Variants in C7 observed in about 807,000 individuals in gnomAD.
C7 encodes complement C7.
In C7, 83 loss-of-function variants were observed where a neutral mutation model predicts 104.8. That is an observed-to-expected ratio of 0.79 (90% CI 0.66 to 0.95). C7 has a LOEUF of 0.95. C7 is among the 40% of genes least tolerant of loss of function. The pLI, the probability that C7 is intolerant of heterozygous loss-of-function variation, is 0.00. For missense variants in C7, 1,070 were observed against 1,011.2 expected, an observed-to-expected ratio of 1.06 and a Z score of -0.79; for synonymous variants, 415 against 360.6, an observed-to-expected ratio of 1.15 and a Z score of -1.71.
chr5:40,937,425 A>C (rs1739838646), intron 5 of C7, 127 bp from the exon 6 acceptor site: 4 of 822,992 alleles, frequency 4.9e-6, no homozygotes, highest in Middle Eastern at 4.7e-4. Flanking sequence ...CTCTCAAAGA[A>C]GTGTTTAAGT....
intron 9 of C7, among the ~76,000 whole-genome samples, 160 bp downstream of exon 9, chr5:40,950,174 T>C (rs1339647043): frequency 2.0e-5 from 3 of 152,132 alleles, no homozygotes; most frequent in Non-Finnish European, 2.9e-5. Context: ...TACCCACTAG[T>C]TATTTTTTCC....
rs766307446 is a variant in C7, at chr5:40,979,910, G to T, written c.2350+1G>T. Reference sequence around the variant, plus strand: ...TGCCCACTGTGGGGAAAATGTGATGGTAAGGGGCCTTTCATATTTGTAAGT... The same window carrying T: ...TGCCCACTGTGGGGAAAATGTGATGTTAAGGGGCCTTTCATATTTGTAAGT... On this transcript the variant is annotated splice_donor_variant, in intron 17 of 17. Coordinates refer to ENST00000313164, the MANE Select transcript of C7 (RefSeq NM_000587.4). LOFTEE classifies it high-confidence loss of function. The T allele has an allele frequency of 1.3e-6, 2 of 1,570,318 alleles. No individual in the cohort carries two copies. Among genetic ancestry groups the T allele is most frequent in the Non-Finnish European group, 1.7e-6 (2 of 1,155,946 alleles).
intron 14 of C7, among the ~76,000 whole-genome samples, chr5:40,969,143 A>G (rs1004366859): frequency 1.6e-4 from 24 of 152,202 alleles, no homozygotes; most frequent in African/African-American, 5.5e-4. Context: ...ACATTATTAT[A>G]TTTAAAAATA....
At chr5:40,950,147 C>A in intron 9 of C7, 133 bp downstream of exon 9, 1 of 612,020 alleles carries the variant, frequency 1.6e-6, no homozygotes, top group Non-Finnish European at 2.9e-6. Flanking sequence ...ATTTTGTCAC[C>A]CAAGTATTAA....
Position 40,972,454 on chromosome 5 carries a change from A to T in C7, c.1934A>T (p.Gln645Leu). 6.2e-7 allele frequency: 1 copy of T among 1,613,812 alleles called. No homozygotes were observed. The change falls in exon 15 of 18, where the codon CAA (glutamine) becomes CTA (leucine). Residue 645 changes from glutamine to leucine, a missense_variant. Gln to Leu is a moderately radical substitution (Grantham distance 113). Transcript: ENST00000313164. The stretch of plus-strand genomic sequence containing the variant: ...ATGGATGGCATACAGAGTCACCCCC[A>T]AAAACCTTTCTACACAGTTGGTGAG... Reference protein sequence around the residue: ...VLMDGIQSHPQKPFYTVGEKV... With the variant: ...VLMDGIQSHPLKPFYTVGEKV...
In C7 at chr5:40,955,828, G is replaced by A. The variant is rs1477200919; in HGVS notation, c.1260+275G>A. ...CATTTTTAACTTTTGATCTAAGTTC[G>A]ATTATGTCTTCCTTGGTCCCTAATT... On this transcript the variant is annotated intron_variant, in intron 10 of 17. Transcript: ENST00000313164. Among the ~76,000 whole-genome samples the A allele has an allele frequency of 2.0e-5, 3 of 152,160 alleles. No individual in the cohort carries two copies. In the East Asian group the frequency reaches 5.8e-4, roughly 29 times the overall value.
In C7 at chr5:40,983,526, C is replaced by T. The variant is rs191887345; in HGVS notation, c.*1953C>T. Among the ~76,000 whole-genome samples the T allele has an allele frequency of 3.9e-4, 60 of 152,158 alleles. 1 individual carries two copies. Among genetic ancestry groups the T allele is most frequent in the Admixed American group, 3.5e-3 (54 of 15,282 alleles). On this transcript the variant is annotated 3_prime_UTR_variant, in exon 18 of 18. Coordinates refer to ENST00000313164, the MANE Select transcript of C7 (RefSeq NM_000587.4). ...GAAGGAGAGGAGCAGTGAATGTTGT[C>T]GTGAAGAGGTGTTGTCTTGAAATAC... is the stretch of plus-strand genomic sequence containing the variant.
intron 11 of C7, among the ~76,000 whole-genome samples, chr5:40,958,572 T>C: frequency 6.6e-6 from 1 of 152,200 alleles, no homozygotes; most frequent in East Asian, 1.9e-4. Context: ...GTAGCAAAGG[T>C]CTGTGGAGCT....
chr5:40,943,164 G>A (rs1030800566), intron 6 of C7, among the ~76,000 whole-genome samples: 1 of 152,222 alleles, frequency 6.6e-6, no homozygotes, highest in African/African-American at 2.4e-5. Flanking sequence ...TTGAAGTCAT[G>A]AGCCAAGAAG....
chr5:40,974,820 T>C (rs1465714980), intron 15 of C7, among the ~76,000 whole-genome samples: 1 of 152,210 alleles, frequency 6.6e-6, no homozygotes, highest in Non-Finnish European at 1.5e-5. Flanking sequence ...CATGGCTTGA[T>C]CATTGACCTT....
At chr5:40,927,030 A>T (rs1739567890) in intron 1 of C7, among the ~76,000 whole-genome samples, 1 of 152,152 alleles carries the variant, frequency 6.6e-6, no homozygotes, top group South Asian at 2.1e-4. Context: ...AAACATCATG[A>T]TCCTGGCAAA....
intron 16 of C7, among the ~76,000 whole-genome samples, chr5:40,979,454 G>A (rs993761284): frequency 6.6e-6 from 1 of 151,730 alleles, no homozygotes; most frequent in African/African-American, 2.4e-5. Context: ...TGCTGTACCT[G>A]GTCTGTTCTA....
At chr5:40,920,787 G>A (rs1739422454) in intron 1 of C7, among the ~76,000 whole-genome samples, 1 of 152,158 alleles carries the variant, frequency 6.6e-6, no homozygotes, top group Admixed American at 6.5e-5. Flanking sequence ...GGTGGCTCAT[G>A]CCCATAATCC....
In C7 at chr5:40,955,553, G is replaced by A. The variant is rs764427482; in HGVS notation, c.1260G>A (p.Lys420=). The change falls in exon 10 of 18, where the codon AAG becomes AAA. Residue 420 remains lysine, a splice_region_variant and synonymous_variant. Transcript: ENST00000313164. ...ATCTTCCTCAAGTCATAAAACAAAAGGTATGTCAGGCTTTGTTTAAAGCAA... is the reference window on the plus strand; with the variant it reads ...ATCTTCCTCAAGTCATAAAACAAAAAGTATGTCAGGCTTTGTTTAAAGCAA... ...VTNLPQVIKQ[K]LTPLYELVKE... 1.2e-6 allele frequency: 2 copies of A among 1,609,440 alleles called. No homozygotes were observed. Among genetic ancestry groups the A allele is most frequent in the Non-Finnish European group, 1.7e-6 (2 of 1,177,936 alleles).
chr5:40,944,481 T>C lies in C7; in HGVS notation c.568-717T>C, dbSNP rs573426587. On this transcript the variant is annotated intron_variant, in intron 6 of 17. Coordinates refer to ENST00000313164, the MANE Select transcript of C7 (RefSeq NM_000587.4). ...GTACGTGTTCACTTTTTCATCACCA[T>C]GCTGTCCACTGGAGGTTTCCAACAT... 2.0e-5 allele frequency among the ~76,000 whole-genome samples: 3 copies of C among 152,358 alleles called. No homozygotes were observed. In the East Asian group the frequency reaches 5.8e-4, roughly 29 times the overall value.
At chr5:40,973,158 G>A (rs905798498) in intron 15 of C7, among the ~76,000 whole-genome samples, 4 of 152,092 alleles carry the variant, frequency 2.6e-5, no homozygotes, top group African/African-American at 9.7e-5. Flanking sequence ...TTAACACCAA[G>A]AAAATTAAAA....
intron 1 of C7, among the ~76,000 whole-genome samples, chr5:40,916,353 A>G (rs1322144918): frequency 6.6e-6 from 1 of 152,194 alleles, no homozygotes; most frequent in Non-Finnish European, 1.5e-5. Context: ...CATCAAACGG[A>G]CCACCCACAG....
chr5:40,945,054 T>C, intron 6 of C7, 144 bp from the exon 7 acceptor site: 2 of 554,696 alleles, frequency 3.6e-6, no homozygotes, highest in South Asian at 2.7e-5. Flanking sequence ...CTTATAATCA[T>C]ACTGGCCTGG....
chr5:40,943,165 A>G (rs1739976434), intron 6 of C7, among the ~76,000 whole-genome samples: 1 of 152,234 alleles, frequency 6.6e-6, no homozygotes, highest in Non-Finnish European at 1.5e-5. Flanking sequence ...TGAAGTCATG[A>G]GCCAAGAAGC....
Sources: allele counts gnomAD v4.1 joint callset (sites outside exome capture counted in the v4.1 genomes callset), GRCh38; gene constraint gnomAD v4.1.1; transcripts MANE v1.5; gene names NCBI Gene and HGNC (gene_info 2026-07-23, HGNC 2026-07-21).